Variants in PTPRE observed in about 807,000 individuals in gnomAD.
PTPRE encodes the protein protein tyrosine phosphatase receptor type E, also known as receptor-type tyrosine-protein phosphatase epsilon.
A neutral mutation model predicts 102.0 loss-of-function variants in PTPRE; 51 were observed. The observed-to-expected ratio is 0.50, with a 90% CI of 0.40 to 0.63. The LOEUF (loss-of-function observed/expected upper bound fraction) is 0.63, where lower values mean the gene tolerates loss of function less well. Ranked by LOEUF, PTPRE falls within the 30% of genes least tolerant of loss-of-function variation. The pLI, the probability that PTPRE is intolerant of heterozygous loss-of-function variation, is 0.00. For missense variants in PTPRE, 752 were observed against 915.1 expected (o/e 0.82, Z 2.30); for synonymous variants, 345 against 348.2 (o/e 0.99, Z 0.10).
intron 8 of PTPRE, among the ~76,000 whole-genome samples, chr10:128,061,406 T>G (rs1248521163): frequency 2.0e-5 from 3 of 152,204 alleles, no homozygotes; most frequent in Admixed American, 6.5e-5. Flanking sequence ...AAATTGTACA[T>G]GTTCACCCAA....
intron 2 of PTPRE, among the ~76,000 whole-genome samples, chr10:128,022,664 T>C (rs940076040): frequency 6.6e-6 from 1 of 152,158 alleles, no homozygotes; most frequent in African/African-American, 2.4e-5. Flanking sequence ...GAGCTCATGT[T>C]CAAGTTCAGA....
In PTPRE at chr10:128,001,197, A is replaced by AGTGT. The variant is rs147227714; in HGVS notation, c.-8+18913_-8+18916dup. Among the ~76,000 whole-genome samples, 24 of 151,372 alleles carry AGTGT rather than the reference A, an allele frequency of 1.6e-4. No homozygotes were observed. The South Asian group carries it at 2.1e-3, about 13-fold the overall frequency. On this transcript the variant is annotated intron_variant, in intron 2 of 20. Transcript: ENST00000254667. ...GTTACTCTGTGTGCAGAGAGATCTG[A>AGTGT]GTGTGTGTGTGTGTGCATGTGTGTG...
At chr10:127,999,551 G>C (rs2135547349) in intron 2 of PTPRE, 1 of 985,444 alleles carries the variant, frequency 1.0e-6, no homozygotes, top group African/African-American at 1.7e-5. Flanking sequence ...TACCCAGCTG[G>C]GACTGCTGAC....
intron 1 of PTPRE, among the ~76,000 whole-genome samples, chr10:127,941,508 AG>A (rs1228231123): frequency 1.3e-5 from 2 of 152,234 alleles, no homozygotes; most frequent in Non-Finnish European, 2.9e-5. Flanking sequence ...GGCTCACAGG[AG>A]CACGTCTTCT....
intron 2 of PTPRE, among the ~76,000 whole-genome samples, chr10:128,025,733 T>A (rs539170094): frequency 6.6e-6 from 1 of 152,232 alleles, no homozygotes; most frequent in South Asian, 2.1e-4. Flanking sequence ...GAGCCCTACA[T>A]GTCGGGCTGG....
intron 20 of PTPRE, 120 bp from the exon 21 acceptor site, chr10:128,082,712 G>T: frequency 8.5e-7 from 1 of 1,169,862 alleles, no homozygotes. Flanking sequence ...GTGCATAAAG[G>T]TATATGGTAT....
chr10:128,047,975 T>A (rs1457994342), intron 5 of PTPRE, 138 bp downstream of exon 5: 11 of 816,460 alleles, frequency 1.3e-5, no homozygotes, highest in Non-Finnish European at 1.9e-5. Flanking sequence ...CTACCTGGTA[T>A]GATGCTGTCA....
intron 2 of PTPRE, among the ~76,000 whole-genome samples, chr10:128,037,372 G>T (rs977860454): frequency 3.3e-5 from 5 of 152,180 alleles, no homozygotes; most frequent in Non-Finnish European, 2.9e-5. Context: ...TCTGGGGAAG[G>T]TTTCATTAAC....
At chr10:128,060,294 C>G (rs372730275) in intron 7 of PTPRE, among the ~76,000 whole-genome samples, 1 of 151,986 alleles carries the variant, frequency 6.6e-6, no homozygotes, top group African/African-American at 2.4e-5. Flanking sequence ...TACACACACA[C>G]CCCACACACA....
intron 1 of PTPRE, among the ~76,000 whole-genome samples, chr10:127,955,374 AAG>A (rs1174471768): frequency 6.6e-6 from 1 of 152,220 alleles, no homozygotes; most frequent in Non-Finnish European, 1.5e-5. Flanking sequence ...ATCGAAGGCA[AAG>A]AGAATACAGA....
chr10:127,951,010 T>C (rs1228449996), intron 1 of PTPRE, among the ~76,000 whole-genome samples: 3 of 152,044 alleles, frequency 2.0e-5, no homozygotes, highest in Non-Finnish European at 4.4e-5. Context: ...GGCAGGAGAA[T>C]GGCTTGCAGT....
intron 2 of PTPRE, among the ~76,000 whole-genome samples, chr10:128,000,903 G>A (rs375515116): frequency 2.0e-5 from 3 of 152,142 alleles, no homozygotes; most frequent in East Asian, 1.9e-4. Context: ...GTAGGTGACC[G>A]TGCCCTTGGA....
chr10:127,916,496 C>G (rs1200299671), intron 1 of PTPRE, among the ~76,000 whole-genome samples: 1 of 152,170 alleles, frequency 6.6e-6, no homozygotes, highest in Non-Finnish European at 1.5e-5. Context: ...TATAAATTAC[C>G]CAGTCTTAGG....
intron 1 of PTPRE, among the ~76,000 whole-genome samples, chr10:127,960,847 G>A (rs7078600): frequency 0.035 from 5,332 of 151,986 alleles, 293 homozygotes; most frequent in African/African-American, 0.12. Context: ...GTGAAACCCC[G>A]TCTCTACTAA....
chr10:127,976,168 T>TCTGAGA (rs1851160648), intron 1 of PTPRE, among the ~76,000 whole-genome samples: 1 of 152,108 alleles, frequency 6.6e-6, no homozygotes. Flanking sequence ...ACAGTGACTG[T>TCTGAGA]CAGTATCTGA....
intron 3 of PTPRE, among the ~76,000 whole-genome samples, chr10:128,045,965 C>T (rs1848058072): frequency 6.6e-6 from 1 of 152,244 alleles, no homozygotes; most frequent in East Asian, 1.9e-4. Flanking sequence ...GGAAGGTGGG[C>T]ACTTAGTGGG....
At chr10:127,968,919 T>C (rs899278196) in intron 1 of PTPRE, among the ~76,000 whole-genome samples, 4 of 152,244 alleles carry the variant, frequency 2.6e-5, no homozygotes, top group African/African-American at 7.2e-5. Flanking sequence ...CAATGGCTTA[T>C]ATTGTTCTAG....
chr10:127,918,140 A>G (rs770639340), intron 1 of PTPRE, among the ~76,000 whole-genome samples: 11 of 152,114 alleles, frequency 7.2e-5, no homozygotes, highest in Admixed American at 1.3e-4. Context: ...GAGAAGCTCC[A>G]TGAGGTGACC....
intron 1 of PTPRE, among the ~76,000 whole-genome samples, chr10:127,979,748 A>G (rs1348568148): frequency 6.6e-6 from 1 of 152,186 alleles, no homozygotes; most frequent in Non-Finnish European, 1.5e-5. Flanking sequence ...CAATCGTGCA[A>G]CCATTGGCAA....
Sources: allele counts gnomAD v4.1 joint callset (sites outside exome capture counted in the v4.1 genomes callset), GRCh38; gene constraint gnomAD v4.1.1; transcripts MANE v1.5; gene names NCBI Gene and HGNC (gene_info 2026-07-23, HGNC 2026-07-21).